Variants in EPB41L2 observed in about 807,000 individuals in gnomAD.
EPB41L2 encodes band 4.1-like protein 2.
Under a neutral mutation model 113.0 loss-of-function variants are expected in EPB41L2, and 43 were observed. The ratio of observed to expected loss-of-function variants is 0.38; its 90% CI spans 0.30 to 0.49. The LOEUF (loss-of-function observed/expected upper bound fraction) is 0.49. Ranked by LOEUF, EPB41L2 falls within the 20% of genes least tolerant of loss-of-function variation. EPB41L2 has a pLI of 0.95. For missense variants in EPB41L2, 1,147 were observed against 1,223.4 expected (o/e 0.94, Z 0.93); for synonymous variants, 442 against 436.7 (o/e 1.01, Z -0.15).
At chr6:131,043,464 C>T (rs1031266476) in intron 1 of EPB41L2, among the ~76,000 whole-genome samples, 1 of 151,884 alleles carries the variant, frequency 6.6e-6, no homozygotes, top group Non-Finnish European at 1.5e-5. Context: ...GCATGTACTA[C>T]CAATTCATAG....
chr6:130,901,274 C>G, intron 6 of EPB41L2, 94 bp from the exon 7 acceptor site: 4 of 1,039,708 alleles, frequency 3.8e-6, no homozygotes, highest in South Asian at 2.9e-5. Flanking sequence ...CCTTTGAAAA[C>G]AAATATACAA....
intron 3 of EPB41L2, among the ~76,000 whole-genome samples, chr6:130,946,841 T>C (rs1423748372): frequency 6.6e-6 from 1 of 152,112 alleles, no homozygotes; most frequent in Non-Finnish European, 1.5e-5. Flanking sequence ...ATTCCATTGA[T>C]ATAGCAATAT....
At chr6:130,977,190 G>C (rs12526896) in intron 1 of EPB41L2, among the ~76,000 whole-genome samples, 28,477 of 152,120 alleles carry the variant, frequency 0.19, 3,340 homozygotes, top group East Asian at 0.47. Context: ...ATACAAAGCA[G>C]AAACAACAAT....
intron 14 of EPB41L2, among the ~76,000 whole-genome samples, chr6:130,871,695 G>T (rs913155528): frequency 6.6e-6 from 1 of 152,140 alleles, no homozygotes; most frequent in Non-Finnish European, 1.5e-5. Context: ...ACAGAAGACA[G>T]CTATCTTTCC....
At chr6:131,016,477 A>AAC (rs10584309) in intron 1 of EPB41L2, among the ~76,000 whole-genome samples, 7,478 of 143,362 alleles carry the variant, frequency 0.052, 187 homozygotes, top group African/African-American at 0.078. Flanking sequence ...TTAATAAGGA[A>AAC]ACACACACAC....
intron 1 of EPB41L2, among the ~76,000 whole-genome samples, chr6:131,008,622 C>A (rs939209139): frequency 3.9e-5 from 6 of 152,236 alleles, no homozygotes; most frequent in Non-Finnish European, 8.8e-5. Context: ...ACACTCAATG[C>A]AAGCCCATGA....
chr6:130,867,993 CTCT>C, intron 15 of EPB41L2: 2 of 176,490 alleles, frequency 1.1e-5, no homozygotes, highest in Non-Finnish European at 1.2e-5. Flanking sequence ...CTCTCTCTCT[CTCT>C]CTCCTCCTCC....
intron 4 of EPB41L2, among the ~76,000 whole-genome samples, chr6:130,915,330 A>G (rs889527862): frequency 4.6e-5 from 7 of 152,232 alleles, no homozygotes; most frequent in Non-Finnish European, 8.8e-5. Flanking sequence ...AGTATTGTTA[A>G]ATCACCTTCA....
chr6:130,990,857 C>T (rs1055087261), intron 1 of EPB41L2, among the ~76,000 whole-genome samples: 22 of 143,656 alleles, frequency 1.5e-4, no homozygotes, highest in Non-Finnish European at 2.7e-4. Context: ...GGTGGAGTCT[C>T]GCTCTGCCGC....
intron 1 of EPB41L2, among the ~76,000 whole-genome samples, chr6:131,059,175 C>A (rs1385083287): frequency 3.6e-5 from 5 of 139,552 alleles, no homozygotes; most frequent in Non-Finnish European, 6.0e-5. Flanking sequence ...CGTGCAGTGG[C>A]GCAATCTCCG....
At chr6:130,925,726 C>G (rs1287699641) in intron 4 of EPB41L2, among the ~76,000 whole-genome samples, 1 of 152,096 alleles carries the variant, frequency 6.6e-6, no homozygotes, top group Non-Finnish European at 1.5e-5. Context: ...TCAAGACCAC[C>G]TTATAATTTA....
rs184605634 is a variant in EPB41L2, at chr6:130,842,056, C to G, written c.*6-1458G>C. 2.7e-3 allele frequency among the ~76,000 whole-genome samples: 407 copies of G among 152,286 alleles called. 1 individual carries two copies. The highest frequency in any genetic ancestry group is 9.3e-3 in the African/African-American group (385 of 41,562). On this transcript the variant is annotated intron_variant, in intron 19 of 19. Transcript: ENST00000337057. ...AAGGACAGTGCAGAGTGGTAATTAA[C>G]GTCTTTTCCAAGAGACACTGCTCCC...
At chr6:130,930,924 T>A (rs1192096566) in intron 3 of EPB41L2, among the ~76,000 whole-genome samples, 1 of 151,576 alleles carries the variant, frequency 6.6e-6, no homozygotes. Context: ...CACCTAGAAA[T>A]GAAAACTATA....
At chr6:130,866,916 G>T (rs1783923135) in intron 16 of EPB41L2, among the ~76,000 whole-genome samples, 1 of 151,962 alleles carries the variant, frequency 6.6e-6, no homozygotes. Flanking sequence ...GACTACATAG[G>T]TCTTTAGAAA....
At chr6:130,917,667 C>G (rs989211755) in intron 4 of EPB41L2, among the ~76,000 whole-genome samples, 2 of 152,152 alleles carry the variant, frequency 1.3e-5, no homozygotes, top group Non-Finnish European at 2.9e-5. Context: ...ACTGCAAAAC[C>G]CCACTGCAAA....
At chr6:130,927,842 C>A (rs1805274571) in intron 3 of EPB41L2, among the ~76,000 whole-genome samples, 1 of 152,174 alleles carries the variant, frequency 6.6e-6, no homozygotes. Flanking sequence ...CCTGTAATCC[C>A]AGCACTTTGG....
chr6:131,023,450 C>T lies in EPB41L2; in HGVS notation c.-15+39705G>A, dbSNP rs138988017. Among the ~76,000 whole-genome samples, 1,235 of 152,068 alleles carry T rather than the reference C, an allele frequency of 8.1e-3. 14 individuals are homozygous for T. The highest frequency in any genetic ancestry group is 0.028 in the African/African-American group (1,164 of 41,494). ...CTGTAATCCCAGCACTTTGGGAGGC[C>T]GAGGCGGGTGGATCACAAGGTCAGA... On this transcript the variant is annotated intron_variant, in intron 1 of 19. Coordinates refer to ENST00000337057, the MANE Select transcript of EPB41L2 (RefSeq NM_001431.4).
At chr6:131,009,393 G>T (rs1786379479) in intron 1 of EPB41L2, among the ~76,000 whole-genome samples, 2 of 152,046 alleles carry the variant, frequency 1.3e-5, no homozygotes, top group African/African-American at 4.8e-5. Flanking sequence ...TCGGGTATTT[G>T]TTCATAGCAG....
At chr6:131,060,288 T>C (rs1798399423) in intron 1 of EPB41L2, among the ~76,000 whole-genome samples, 1 of 152,226 alleles carries the variant, frequency 6.6e-6, no homozygotes, top group Admixed American at 6.5e-5. Context: ...GATACAACCT[T>C]TGTAGTTCAC....
Sources: gnomAD v4.1 joint callset for allele counts (sites outside exome capture counted in the v4.1 genomes callset) on GRCh38, gnomAD v4.1.1 for gene constraint, MANE v1.5 for transcripts, NCBI Gene and HGNC (gene_info 2026-07-23, HGNC 2026-07-21) for gene names.